Variants in MTR observed in about 807,000 individuals in gnomAD.
The protein encoded by MTR is methionine synthase.
In MTR, 84 loss-of-function variants were observed where a neutral mutation model predicts 154.8. The observed-to-expected ratio is 0.54, with a 90% CI of 0.45 to 0.65. The LOEUF (loss-of-function observed/expected upper bound fraction) is 0.65, where lower values mean the gene tolerates loss of function less well. Among genes scored for constraint, MTR ranks in the 30% least tolerant of loss-of-function variants. MTR has a pLI of 0.00. For synonymous variants in MTR, 554 were observed against 553.9 expected, an observed-to-expected ratio of 1.00 and a Z score of 0.00; for missense variants, 1,275 against 1,570.2, an observed-to-expected ratio of 0.81 and a Z score of 3.18.
At chr1:236,801,049 GC>G (rs1261003856) in intron 1 of MTR, among the ~76,000 whole-genome samples, 1 of 152,150 alleles carries the variant, frequency 6.6e-6, no homozygotes, top group Non-Finnish European at 1.5e-5. Context: ...ATCATGGAGT[GC>G]CTAAATTAAC....
rs1558311204 is a variant in MTR at position 236,852,519 on chromosome 1, A to G, written c.1696-2A>G. 1.2e-6 allele frequency: 2 copies of G among 1,612,530 alleles called. No homozygotes were observed. The highest frequency in any genetic ancestry group is 8.5e-7 in the Non-Finnish European group (1 of 1,178,746). Reference sequence around the variant, plus strand: ...CTTTTCATATTTTAAAATTTTTGCCAGGAAACATTACCTGGAGCCAGAATA... The same window carrying G: ...CTTTTCATATTTTAAAATTTTTGCCGGGAAACATTACCTGGAGCCAGAATA... On this transcript the variant is annotated splice_acceptor_variant, in intron 16 of 32. Transcript: ENST00000366577. LOFTEE classifies it high-confidence loss of function.
chr1:236,830,518 A>G (rs550890114), intron 12 of MTR, among the ~76,000 whole-genome samples: 1 of 152,364 alleles, frequency 6.6e-6, no homozygotes, highest in South Asian at 2.1e-4. Context: ...ATCAGATTTT[A>G]AAAGAGTGAC....
At chr1:236,830,857 G>T (rs748308374) in intron 12 of MTR, among the ~76,000 whole-genome samples, 1 of 152,096 alleles carries the variant, frequency 6.6e-6, no homozygotes, top group African/African-American at 2.4e-5. Context: ...CAAGGGGCCT[G>T]GAATGCTTTT....
At chr1:236,831,887 T>C (rs1178298850) in intron 12 of MTR, 79 bp from the exon 13 acceptor site, 11 of 1,023,350 alleles carry the variant, frequency 1.1e-5, no homozygotes, top group African/African-American at 3.1e-5. Flanking sequence ...CTCTTTCTTA[T>C]TGAATACATT....
Position 236,859,936 on chromosome 1 carries a change from G to A in MTR, c.2043+14G>A. The A allele has an allele frequency of 6.2e-7, 1 of 1,610,870 alleles. No homozygotes were observed. The highest frequency in any genetic ancestry group is 8.5e-7 in the Non-Finnish European group (1 of 1,177,184). On this transcript the variant is annotated intron_variant, in intron 19 of 32. Coordinates refer to ENST00000366577, the MANE Select transcript of MTR (RefSeq NM_000254.3). ...GCCCTTGTGAAGGTAAGTTACAGGG[G>A]CCTGAACTGGAGGGCTGGAGGCTCA... is the stretch of plus-strand genomic sequence containing the variant.
chr1:236,846,431 T>C (rs1663576948), intron 15 of MTR, among the ~76,000 whole-genome samples: 1 of 152,262 alleles, frequency 6.6e-6, no homozygotes, highest in African/African-American at 2.4e-5. Flanking sequence ...GTGTAAACTA[T>C]ATAAAAGAAT....
intron 30 of MTR, chr1:236,895,049 G>A: frequency 2.4e-6 from 1 of 423,800 alleles, no homozygotes. Context: ...GGTCCCAGCT[G>A]CTCTTTCTGG....
chr1:236,899,200 TA>T lies in MTR; in HGVS notation c.*1557del, dbSNP rs1183496269. 6.6e-6 allele frequency: 1 copy of T among 152,228 alleles called. No homozygotes were observed. Among genetic ancestry groups the T allele is most frequent in the Non-Finnish European group, 1.5e-5 (1 of 68,040 alleles). 9.4% of individuals were successfully genotyped at this position (152,228 alleles called of 1,614,324 possible). ...TTATTGAATGAAACAAGCAGGTGTT[TA>T]TATGGAGTAGCAAAGGACTTAAAAT... On this transcript the variant is annotated 3_prime_UTR_variant, in exon 33 of 33. Coordinates refer to ENST00000366577, the MANE Select transcript of MTR (RefSeq NM_000254.3).
Position 236,825,190 on chromosome 1 carries a change from T to C in MTR, c.866-148T>C, listed in dbSNP as rs1662217617. 5 of 430,592 alleles carry C rather than the reference T, an allele frequency of 1.2e-5. No homozygotes were observed. The South Asian group carries it at 2.2e-4, about 19-fold the overall frequency. 26.7% of individuals were successfully genotyped at this position (430,592 alleles called of 1,614,324 possible). A position where few individuals can be genotyped will look rare whatever the true frequency, so the allele number is the denominator to read the frequency against. ...TTGGGGGGTGTGGTATCTCTTTGTTTACTGTGTGAATATTATGTGTTTGTT... is the reference window on the plus strand; with the variant it reads ...TTGGGGGGTGTGGTATCTCTTTGTTCACTGTGTGAATATTATGTGTTTGTT... On this transcript the variant is annotated intron_variant, in intron 9 of 32. Coordinates refer to ENST00000366577, the MANE Select transcript of MTR (RefSeq NM_000254.3).
chr1:236,814,237 G>A (rs937662741), intron 6 of MTR, among the ~76,000 whole-genome samples: 4 of 152,060 alleles, frequency 2.6e-5, no homozygotes, highest in Non-Finnish European at 5.9e-5. Context: ...TTGTGAATCT[G>A]CAGTAAACAA....
intron 22 of MTR, among the ~76,000 whole-genome samples, chr1:236,866,785 G>A (rs1338381405): frequency 6.6e-6 from 1 of 152,186 alleles, no homozygotes; most frequent in Non-Finnish European, 1.5e-5. Context: ...GATTAAACCA[G>A]CCACAATATT....
intron 29 of MTR, among the ~76,000 whole-genome samples, chr1:236,893,185 G>A (rs999601755): frequency 5.3e-5 from 8 of 152,168 alleles, no homozygotes; most frequent in African/African-American, 1.7e-4. Context: ...AAGAATAATT[G>A]ATGGGCCGAG....
intron 13 of MTR, 28 bp downstream of exon 13, chr1:236,832,106 CAT>C (rs1662646458): frequency 6.5e-7 from 1 of 1,533,084 alleles, no homozygotes; most frequent in Non-Finnish European, 9.0e-7. Flanking sequence ...ACCCCTGAGG[CAT>C]CTGCCCATGT....
At chr1:236,872,260 C>T (rs933725469) in intron 22 of MTR, among the ~76,000 whole-genome samples, 1 of 152,172 alleles carries the variant, frequency 6.6e-6, no homozygotes, top group Non-Finnish European at 1.5e-5. Context: ...CTGTTCCGTT[C>T]TCTGAGAGTG....
intron 15 of MTR, among the ~76,000 whole-genome samples, chr1:236,849,901 A>T (rs1057003829): frequency 6.6e-6 from 1 of 152,206 alleles, no homozygotes; most frequent in African/African-American, 2.4e-5. Context: ...TTCCTGGGTG[A>T]TAGGTTGTGA....
chr1:236,834,108 T>C (rs147503509), intron 13 of MTR, among the ~76,000 whole-genome samples: 208 of 152,360 alleles, frequency 1.4e-3, no homozygotes, highest in African/African-American at 4.8e-3. Flanking sequence ...TGATTTACAC[T>C]TCTTTTTATT....
chr1:236,858,547 C>T (rs963968305), intron 18 of MTR, among the ~76,000 whole-genome samples: 3 of 152,100 alleles, frequency 2.0e-5, no homozygotes, highest in Non-Finnish European at 2.9e-5. Flanking sequence ...AGATTTTTTT[C>T]ACAGGGAGCA....
intron 24 of MTR, among the ~76,000 whole-genome samples, chr1:236,877,919 A>G (rs554495243): frequency 2.6e-5 from 4 of 152,262 alleles, no homozygotes; most frequent in East Asian, 3.9e-4. Context: ...ATACCTTGCT[A>G]TGGTTTTCGT....
In MTR at chr1:236,823,796, C is replaced by CTTT. The variant is rs59710180; in HGVS notation, c.765-292_765-290dup. Among the ~76,000 whole-genome samples, 115 of 18,430 alleles carry CTTT rather than the reference C, an allele frequency of 6.2e-3. 44 individuals carry two copies. The highest frequency in any genetic ancestry group is 9.2e-3 in the African/African-American group (35 of 3,812). The allele number at this position is 18,430 out of a possible 152,430, so 12.1% of individuals were successfully genotyped here. ...TTTAAATTTTGCTTTCAGGTCAGAT[C>CTTT]TTTTTTTTTTTTTTTTTTTTTTTTT... On this transcript the variant is annotated intron_variant, in intron 8 of 32. Coordinates refer to ENST00000366577, the MANE Select transcript of MTR (RefSeq NM_000254.3).
Sources: gnomAD v4.1 joint callset for allele counts (sites outside exome capture counted in the v4.1 genomes callset) on GRCh38, gnomAD v4.1.1 for gene constraint, MANE v1.5 for transcripts, NCBI Gene and HGNC (gene_info 2026-07-23, HGNC 2026-07-21) for gene names.